RFX3: variants seen among roughly 807,000 people sequenced by gnomAD.
RFX3 encodes transcription factor RFX3.
In RFX3, 14 loss-of-function variants were observed where a neutral mutation model predicts 98.6. The ratio of observed to expected loss-of-function variants is 0.14; its 90% confidence interval spans 0.09 to 0.22. The LOEUF (loss-of-function observed/expected upper bound fraction) is 0.22, where lower values mean the gene tolerates loss of function less well. RFX3 is among the 10% of genes least tolerant of loss of function. RFX3 has a pLI of 1.00. For missense variants in RFX3, 639 were observed against 926.9 expected (o/e 0.69, Z 4.03); for synonymous variants, 383 against 328.4 (o/e 1.17, Z -1.80).
chr9:3,393,310 T>C (rs1718236552), intron 2 of RFX3, among the ~76,000 whole-genome samples: 1 of 152,026 alleles, frequency 6.6e-6, no homozygotes, highest in Non-Finnish European at 1.5e-5. Flanking sequence ...TTGCTAAGTT[T>C]TTTGAGTCTT....
At chr9:3,446,883 T>TA (rs1490314019) in intron 1 of RFX3, among the ~76,000 whole-genome samples, 3 of 152,004 alleles carry the variant, frequency 2.0e-5, no homozygotes, top group African/African-American at 7.2e-5. Flanking sequence ...TAATTCTTTT[T>TA]AAAAAATCCA....
chr9:3,221,979 A>C lies in RFX3; in HGVS notation c.*3063T>G, dbSNP rs993304806. 1.3e-5 allele frequency: 2 copies of C among 152,284 alleles called. No individual in the cohort carries two copies. The highest frequency in any genetic ancestry group is 1.9e-4 in the East Asian group (1 of 5,184). 9.4% of individuals were successfully genotyped at this position (152,284 alleles called of 1,614,324 possible). On this transcript the variant is annotated 3_prime_UTR_variant, in exon 17 of 17. Transcript: ENST00000617270. ...GTGTACTTGTGTCATTTGTGAATAA[A>C]TCTGTTGAGTGTTAGTGTCTAATAT...
At chr9:3,290,554 A>G (rs568196306) in intron 6 of RFX3, among the ~76,000 whole-genome samples, 14 of 152,282 alleles carry the variant, frequency 9.2e-5, no homozygotes, top group South Asian at 4.1e-4. Flanking sequence ...AGGTCCCCAA[A>G]TAATGATTTT....
intron 2 of RFX3, among the ~76,000 whole-genome samples, chr9:3,392,295 T>G (rs1299356464): frequency 2.0e-5 from 3 of 151,154 alleles, no homozygotes; most frequent in Non-Finnish European, 4.4e-5. Context: ...ACAGAGTACC[T>G]TAAAAGAAAC....
chr9:3,235,942 C>G (rs1819095502), intron 15 of RFX3, among the ~76,000 whole-genome samples: 1 of 152,184 alleles, frequency 6.6e-6, no homozygotes, highest in Non-Finnish European at 1.5e-5. Context: ...GCCCATTCTA[C>G]TGCTTATCAC....
intron 1 of RFX3, among the ~76,000 whole-genome samples, chr9:3,421,475 T>C (rs1352852052): frequency 6.6e-6 from 1 of 152,238 alleles, no homozygotes; most frequent in Non-Finnish European, 1.5e-5. Flanking sequence ...GGTTAACATC[T>C]TCTAGTCTAT....
intron 2 of RFX3, chr9:3,364,533 TTTGGTTGATGCCAAGATGTGGCATATC>T: frequency 5.8e-6 from 1 of 172,292 alleles, no homozygotes; most frequent in Admixed American, 6.1e-5. Context: ...TGATGCCATA[TTTGGTTGATGCCAAGATGTGGCATATC>T]TTGGTTGATG....
chr9:3,410,036 A>C (rs149903999), intron 1 of RFX3, among the ~76,000 whole-genome samples: 73 of 152,316 alleles, frequency 4.8e-4, no homozygotes, highest in African/African-American at 1.7e-3. Context: ...CAAGGAAAGA[A>C]ATACTCATAT....
intron 4 of RFX3, among the ~76,000 whole-genome samples, chr9:3,313,346 C>G (rs192924722): frequency 3.1e-4 from 47 of 152,274 alleles, no homozygotes; most frequent in African/African-American, 1.1e-3. Flanking sequence ...AGGACGTCCA[C>G]ACCAAAACTC....
chr9:3,240,797 A>C (rs1409730507), intron 15 of RFX3, among the ~76,000 whole-genome samples: 1 of 152,212 alleles, frequency 6.6e-6, no homozygotes, highest in Non-Finnish European at 1.5e-5. Context: ...ACCACCATAA[A>C]GACAGTGTCA....
At chr9:3,475,210 C>T (rs1378453995) in intron 1 of RFX3, among the ~76,000 whole-genome samples, 6 of 151,940 alleles carry the variant, frequency 3.9e-5, no homozygotes, top group African/African-American at 1.5e-4. Flanking sequence ...TCATCTTGAA[C>T]ACTGTAGGGT....
intron 15 of RFX3, among the ~76,000 whole-genome samples, chr9:3,246,830 C>A (rs1384849974): frequency 1.3e-5 from 2 of 152,272 alleles, no homozygotes; most frequent in East Asian, 3.9e-4. Flanking sequence ...GCTTTATCAT[C>A]AACAGGGAAC....
chr9:3,359,000 A>C (rs569972367), intron 2 of RFX3, among the ~76,000 whole-genome samples: 1 of 151,918 alleles, frequency 6.6e-6, no homozygotes, highest in African/African-American at 2.4e-5. Context: ...GGATTATTAC[A>C]ATTCAAGGTG....
chr9:3,304,446 A>G (rs777417282), intron 4 of RFX3, among the ~76,000 whole-genome samples: 155 of 152,034 alleles, frequency 1.0e-3, no homozygotes, highest in Non-Finnish European at 1.5e-3. Flanking sequence ...GAGACAGGGT[A>G]TACACATGGT....
chr9:3,300,879 C>T (rs1191879588), intron 5 of RFX3, among the ~76,000 whole-genome samples: 3 of 151,878 alleles, frequency 2.0e-5, no homozygotes, highest in African/African-American at 7.2e-5. Context: ...CCTTCTTACA[C>T]TTACCAGTGT....
At chr9:3,357,977 G>C (rs914638997) in intron 2 of RFX3, among the ~76,000 whole-genome samples, 32 of 152,128 alleles carry the variant, frequency 2.1e-4, no homozygotes, top group Admixed American at 1.4e-3. Context: ...TGAATACACA[G>C]GTGGTAGCAC....
chr9:3,263,379 A>G (rs1353620108), intron 12 of RFX3, among the ~76,000 whole-genome samples: 1 of 152,188 alleles, frequency 6.6e-6, no homozygotes, highest in Non-Finnish European at 1.5e-5. Flanking sequence ...CCACAGTAAG[A>G]AATGACTTTG....
intron 1 of RFX3, among the ~76,000 whole-genome samples, chr9:3,453,218 C>T (rs1006024157): frequency 6.6e-6 from 1 of 152,026 alleles, no homozygotes; most frequent in African/African-American, 2.4e-5. Flanking sequence ...GTCTTCTACT[C>T]AGCTATGGAT....
chr9:3,271,270 G>C, intron 9 of RFX3, 152 bp from the exon 10 acceptor site: 2 of 529,388 alleles, frequency 3.8e-6, no homozygotes, highest in Non-Finnish European at 6.5e-6. Flanking sequence ...ACCAAAGGAA[G>C]TGGAAGAAAA....
Sources: gnomAD v4.1 joint callset for allele counts (sites outside exome capture counted in the v4.1 genomes callset) on GRCh38, gnomAD v4.1.1 for gene constraint, MANE v1.5 for transcripts, NCBI Gene and HGNC (gene_info 2026-07-23, HGNC 2026-07-21) for gene names.